Variants in SORCS1 observed in about 807,000 individuals in gnomAD.
The protein encoded by SORCS1 is sortilin related VPS10 domain containing receptor 1.
Under a neutral mutation model 146.1 loss-of-function variants are expected in SORCS1, and 60 were observed. That is an observed-to-expected ratio of 0.41 (90% CI 0.33 to 0.51). The LOEUF is 0.51. Ranked by LOEUF, SORCS1 falls within the 20% of genes least tolerant of loss-of-function variation. The pLI, the probability that SORCS1 is intolerant of heterozygous loss-of-function variation, is 0.21. For missense variants in SORCS1, 1,352 were observed against 1,487.6 expected (o/e 0.91, Z 1.50); for synonymous variants, 637 against 584.0 (o/e 1.09, Z -1.31).
chr10:106,584,978 C>T (rs7084708), intron 24 of SORCS1, among the ~76,000 whole-genome samples: 49,016 of 151,910 alleles, frequency 0.32, 9,565 homozygotes, highest in East Asian at 0.59. Flanking sequence ...CAAAGTGTAG[C>T]TTATGGACTA....
chr10:107,023,480 T>C (rs570528943), intron 1 of SORCS1, among the ~76,000 whole-genome samples: 1 of 152,224 alleles, frequency 6.6e-6, no homozygotes, highest in African/African-American at 2.4e-5. Context: ...CCCATAAACA[T>C]GTGCTAGAGG....
chr10:106,935,388 G>A (rs1953660689), intron 2 of SORCS1, among the ~76,000 whole-genome samples: 1 of 152,242 alleles, frequency 6.6e-6, no homozygotes, highest in East Asian at 1.9e-4. Flanking sequence ...ACCATTTTAA[G>A]TCCTCTAATT....
chr10:106,887,817 C>T (rs1382577495), intron 2 of SORCS1, among the ~76,000 whole-genome samples: 2 of 152,116 alleles, frequency 1.3e-5, no homozygotes, highest in Non-Finnish European at 2.9e-5. Context: ...ATTACAAATA[C>T]ATTGTTTTCT....
chr10:106,953,540 C>A (rs1589780468), intron 2 of SORCS1, among the ~76,000 whole-genome samples: 1 of 148,070 alleles, frequency 6.8e-6, no homozygotes, highest in African/African-American at 2.4e-5. Context: ...TATATATAGT[C>A]ATGTATCACT....
chr10:106,762,525 T>C (rs1164760019), intron 4 of SORCS1, among the ~76,000 whole-genome samples: 1 of 150,914 alleles, frequency 6.6e-6, no homozygotes, highest in Non-Finnish European at 1.5e-5. Flanking sequence ...CCCAAGTAGC[T>C]GGGACTACAG....
chr10:106,972,272 C>T (rs1412910785), intron 1 of SORCS1, among the ~76,000 whole-genome samples: 4 of 151,448 alleles, frequency 2.6e-5, no homozygotes, highest in African/African-American at 9.7e-5. Flanking sequence ...ATCCCAGCTA[C>T]TCAGGAGGCT....
At chr10:107,111,702 A>AT (rs1965712188) in intron 1 of SORCS1, among the ~76,000 whole-genome samples, 1 of 152,190 alleles carries the variant, frequency 6.6e-6, no homozygotes, top group South Asian at 2.1e-4. Flanking sequence ...TTGGAGAAAT[A>AT]TGAGTATTCA....
At chr10:106,631,204 G>A (rs1332682817) in intron 18 of SORCS1, among the ~76,000 whole-genome samples, 2 of 152,084 alleles carry the variant, frequency 1.3e-5, no homozygotes, top group African/African-American at 2.4e-5. Context: ...TTGTGTGTGG[G>A]GCTCACAGCA....
chr10:106,729,030 G>A (rs1052489362), intron 6 of SORCS1, among the ~76,000 whole-genome samples: 1 of 151,910 alleles, frequency 6.6e-6, no homozygotes, highest in African/African-American at 2.4e-5. Context: ...TAGGCCTAGC[G>A]GTACCCCTGC....
intron 18 of SORCS1, among the ~76,000 whole-genome samples, chr10:106,630,919 A>G (rs942976316): frequency 2.0e-5 from 3 of 151,942 alleles, no homozygotes; most frequent in Admixed American, 1.3e-4. Context: ...CTCAGACCCC[A>G]TTGACAAAAA....
intron 1 of SORCS1, among the ~76,000 whole-genome samples, chr10:107,121,394 T>C (rs1966401424): frequency 6.6e-6 from 1 of 152,124 alleles, no homozygotes; most frequent in Non-Finnish European, 1.5e-5. Flanking sequence ...AGAAGAAGCA[T>C]CCCCACTGCT....
At chr10:107,024,711 G>A (rs1294437222) in intron 1 of SORCS1, among the ~76,000 whole-genome samples, 1 of 152,030 alleles carries the variant, frequency 6.6e-6, no homozygotes, top group Non-Finnish European at 1.5e-5. Flanking sequence ...TGTTTTATTT[G>A]TACCTCTGCC....
chr10:107,048,884 T>C (rs1959794510), intron 1 of SORCS1, among the ~76,000 whole-genome samples: 1 of 152,152 alleles, frequency 6.6e-6, no homozygotes, highest in Non-Finnish European at 1.5e-5. Context: ...GGTAAATTTG[T>C]GTTTCAGAAA....
intron 10 of SORCS1, among the ~76,000 whole-genome samples, chr10:106,686,962 C>A (rs1037729042): frequency 6.6e-6 from 1 of 152,198 alleles, no homozygotes; most frequent in African/African-American, 2.4e-5. Flanking sequence ...CATACACACA[C>A]AACCCCCTCC....
intron 2 of SORCS1, among the ~76,000 whole-genome samples, chr10:106,951,251 C>A (rs544715617): frequency 2.6e-5 from 4 of 152,196 alleles, no homozygotes; most frequent in Admixed American, 2.0e-4. Flanking sequence ...GTGGTTAACG[C>A]CTGTAATCCC....
At chr10:106,662,852 C>A (rs2135390709) in intron 17 of SORCS1, among the ~76,000 whole-genome samples, 1 of 152,304 alleles carries the variant, frequency 6.6e-6, no homozygotes, top group South Asian at 2.1e-4. Context: ...AGGAGGACGG[C>A]ACTTAATACA....
intron 1 of SORCS1, among the ~76,000 whole-genome samples, chr10:106,976,340 T>TTG (rs1554901389): frequency 0.032 from 3,965 of 123,682 alleles, 209 homozygotes; most frequent in African/African-American, 0.13. Context: ...TTTGTTTTTT[T>TTG]TTTTTTTTTG....
At chr10:106,818,436 G>C (rs1203660434) in intron 3 of SORCS1, among the ~76,000 whole-genome samples, 1 of 151,378 alleles carries the variant, frequency 6.6e-6, no homozygotes, top group Non-Finnish European at 1.5e-5. Context: ...CGAGATCTTG[G>C]CTCACTGCAA....
intron 3 of SORCS1, among the ~76,000 whole-genome samples, chr10:106,785,492 C>T (rs1000918329): frequency 6.6e-6 from 1 of 152,030 alleles, no homozygotes; most frequent in Admixed American, 6.6e-5. Context: ...TTAATCTGTC[C>T]AGTGATGGTT....
Sources: gnomAD v4.1 joint callset for allele counts (sites outside exome capture counted in the v4.1 genomes callset) on GRCh38, gnomAD v4.1.1 for gene constraint, MANE v1.5 for transcripts, NCBI Gene and HGNC (gene_info 2026-07-23, HGNC 2026-07-21) for gene names.